Variants in DENND5A observed in about 807,000 individuals in gnomAD.
DENND5A encodes DENN domain-containing protein 5A.
A neutral mutation model predicts 140.3 loss-of-function variants in DENND5A; 64 were observed. The observed-to-expected ratio is 0.46, with a 90% CI of 0.37 to 0.56. The LOEUF (loss-of-function observed/expected upper bound fraction) is 0.56. DENND5A is among the 20% of genes least tolerant of loss of function. The probability of loss-of-function intolerance (pLI) is 0.00; values close to 1 mark genes in which losing one functional copy is unlikely to be tolerated. For missense variants in DENND5A, 1,292 were observed against 1,593.8 expected (o/e 0.81, Z 3.22); for synonymous variants, 605 against 607.7 (o/e 1.00, Z 0.07).
At chr11:9,169,802 A>C (rs934771625) in intron 10 of DENND5A, 54 bp downstream of exon 10, 1 of 1,060,758 alleles carries the variant, frequency 9.4e-7, no homozygotes, top group African/African-American at 1.6e-5. Flanking sequence ...GAGAAAGAGA[A>C]GGAGTGCACA....
intron 1 of DENND5A, among the ~76,000 whole-genome samples, chr11:9,256,487 A>G (rs1250294837): frequency 6.6e-6 from 1 of 152,134 alleles, no homozygotes; most frequent in Non-Finnish European, 1.5e-5. Flanking sequence ...AAAACAATCC[A>G]ATGTCCTTCC....
At position 9,203,940 on chromosome 11, in the gene DENND5A, C is replaced by T. The variant is rs1244984977; in HGVS notation, c.669G>A (p.Leu223=). 6.2e-7 allele frequency: 1 copy of T among 1,614,090 alleles called. No homozygotes were observed. The highest frequency in any genetic ancestry group is 1.7e-5 in the Admixed American group (1 of 60,000). Reference sequence around the variant, plus strand: ...AAGTGACTGCCTGGTGGAGTTGCTCCAGCACGCTCCGACATGCCTTCATGA... The same window carrying T: ...AAGTGACTGCCTGGTGGAGTTGCTCTAGCACGCTCCGACATGCCTTCATGA... ...MSFMKACRSV[L]EQLHQAVTSP... Residue 223 remains leucine (L), a synonymous_variant, in exon 4 of 23, where the codon CTG becomes CTA. Coordinates refer to ENST00000328194, the MANE Select transcript of DENND5A (RefSeq NM_015213.4).
At chr11:9,203,468 A>T in intron 4 of DENND5A, 192 bp downstream of exon 4, 4 of 583,326 alleles carry the variant, frequency 6.9e-6, no homozygotes, top group Non-Finnish European at 1.2e-5. Context: ...GCAAAAGGCC[A>T]TGAAGATAGT....
intron 1 of DENND5A, among the ~76,000 whole-genome samples, chr11:9,250,561 T>C (rs534325778): frequency 1.5e-4 from 23 of 152,258 alleles, no homozygotes; most frequent in Admixed American, 1.3e-3. Context: ...ACCTCAGTAA[T>C]AGTAAGACAG....
At chr11:9,178,085 T>C in intron 8 of DENND5A, 47 bp downstream of exon 8, 1 of 1,295,536 alleles carries the variant, frequency 7.7e-7, no homozygotes, top group Non-Finnish European at 1.1e-6. Flanking sequence ...GACATGTTAA[T>C]GCCATAATCC....
At position 9,141,984 on chromosome 11, in the gene DENND5A, G is replaced by A. The variant is rs201590338; in HGVS notation, c.3636C>T (p.Ile1212=). 2.5e-6 allele frequency: 4 copies of A among 1,603,384 alleles called. No individual in the cohort carries two copies. The highest frequency in any genetic ancestry group is 2.3e-5 in the South Asian group (2 of 88,488). ...GCATCTGAAACTTGCCATCCTTGCCGATGTTCCGGGGAGTATTGTTGATTG... is the reference window on the plus strand; with the variant it reads ...GCATCTGAAACTTGCCATCCTTGCCAATGTTCCGGGGAGTATTGTTGATTG... The part of the protein sequence containing the change: ...VTAINNTPRN[I]GKDGKFQMLV... Residue 1212 remains isoleucine (I), a synonymous_variant, in exon 22 of 23, where the codon ATC becomes ATT. Transcript: ENST00000328194.
chr11:9,257,995 G>T (rs993168323), intron 1 of DENND5A, among the ~76,000 whole-genome samples: 8 of 151,772 alleles, frequency 5.3e-5, no homozygotes, highest in Non-Finnish European at 8.8e-5. Context: ...GTTTCACCAT[G>T]TTGGCCAGGC....
intron 12 of DENND5A, among the ~76,000 whole-genome samples, chr11:9,156,862 AGGAT>A (rs989593931): frequency 1.5e-5 from 2 of 134,948 alleles, no homozygotes; most frequent in South Asian, 4.8e-4. Context: ...GAGGGATGGA[AGGAT>A]GGATGGAAGG....
At chr11:9,217,649 T>C (rs1029565426) in intron 1 of DENND5A, among the ~76,000 whole-genome samples, 1 of 152,192 alleles carries the variant, frequency 6.6e-6, no homozygotes. Context: ...GTGATTAAAA[T>C]ATTCTAAAAT....
chr11:9,221,723 T>C (rs559826657), intron 1 of DENND5A, among the ~76,000 whole-genome samples: 16 of 151,150 alleles, frequency 1.1e-4, no homozygotes, highest in Non-Finnish European at 1.5e-4. Context: ...TTGCCAATAA[T>C]GTCTTCAACT....
At chr11:9,239,660 C>T (rs1296259944) in intron 1 of DENND5A, among the ~76,000 whole-genome samples, 2 of 152,032 alleles carry the variant, frequency 1.3e-5, no homozygotes, top group Non-Finnish European at 2.9e-5. Flanking sequence ...CGAGGTCTTG[C>T]TATGTTGCCC....
At chr11:9,170,811 C>T in intron 8 of DENND5A, 34 bp from the exon 9 acceptor site, 1 of 1,611,226 alleles carries the variant, frequency 6.2e-7, no homozygotes, top group South Asian at 1.1e-5. Flanking sequence ...CACACACACA[C>T]ACACACATAA....
intron 1 of DENND5A, among the ~76,000 whole-genome samples, chr11:9,214,794 G>A (rs187489003): frequency 1.3e-4 from 20 of 152,312 alleles, no homozygotes; most frequent in Admixed American, 2.6e-4. Flanking sequence ...CACAATCTTG[G>A]CTCACTGCAA....
chr11:9,215,857 T>C (rs866899064), intron 1 of DENND5A, among the ~76,000 whole-genome samples: 7 of 152,182 alleles, frequency 4.6e-5, no homozygotes, highest in Non-Finnish European at 1.0e-4. Flanking sequence ...GCCGTTCTTT[T>C]ATATAATTAA....
chr11:9,173,716 A>C (rs1001009235), intron 8 of DENND5A, among the ~76,000 whole-genome samples: 1 of 152,248 alleles, frequency 6.6e-6, no homozygotes, highest in African/African-American at 2.4e-5. Flanking sequence ...GTAGACTGTG[A>C]TAAGTTAAAT....
chr11:9,143,961 G>C (rs1847333168), intron 19 of DENND5A, 136 bp downstream of exon 19: 3 of 1,000,170 alleles, frequency 3.0e-6, no homozygotes, highest in Non-Finnish European at 4.4e-6. Context: ...ATATGTGTGA[G>C]GTGGCTTTGT....
intron 10 of DENND5A, among the ~76,000 whole-genome samples, chr11:9,166,803 G>C (rs11827186): frequency 0.23 from 34,533 of 151,770 alleles, 4,130 homozygotes; most frequent in African/African-American, 0.28. Context: ...CTGCACTCTA[G>C]CCTGGGCGAC....
chr11:9,226,164 T>C (rs1484880735), intron 1 of DENND5A, among the ~76,000 whole-genome samples: 1 of 152,212 alleles, frequency 6.6e-6, no homozygotes, highest in African/African-American at 2.4e-5. Context: ...GATTATATCA[T>C]TAATAAGCTA....
At chr11:9,153,090 G>T (rs1847681610) in intron 12 of DENND5A, among the ~76,000 whole-genome samples, 2 of 151,828 alleles carry the variant, frequency 1.3e-5, no homozygotes, top group African/African-American at 4.8e-5. Flanking sequence ...GGGAGGCCAA[G>T]GCGGGCGGAT....
Sources: gnomAD v4.1 joint callset for allele counts (sites outside exome capture counted in the v4.1 genomes callset) on GRCh38, gnomAD v4.1.1 for gene constraint, MANE v1.5 for transcripts, NCBI Gene and HGNC (gene_info 2026-07-23, HGNC 2026-07-21) for gene names.